Variants in CNTNAP2 observed in about 807,000 individuals in gnomAD.
The protein encoded by CNTNAP2 is contactin-associated protein-like 2.
Under a neutral mutation model 155.2 loss-of-function variants are expected in CNTNAP2, and 98 were observed. The ratio of observed to expected loss-of-function variants is 0.63; its 90% CI spans 0.54 to 0.75. CNTNAP2 has a LOEUF of 0.75. Among genes scored for constraint, CNTNAP2 ranks in the 30% least tolerant of loss-of-function variants. CNTNAP2 has a pLI of 0.00. For synonymous variants in CNTNAP2, 651 were observed against 631.2 expected (o/e 1.03, Z -0.47); for missense variants, 1,727 against 1,688.1 (o/e 1.02, Z -0.40).
intron 15 of CNTNAP2, among the ~76,000 whole-genome samples, chr7:148,015,244 C>G (rs1326951270): frequency 1.3e-5 from 2 of 152,160 alleles, no homozygotes; most frequent in African/African-American, 4.8e-5. Flanking sequence ...CAGCCTACTT[C>G]TTTGCTGCTA....
At chr7:147,091,001 G>A (rs1800392463) in intron 4 of CNTNAP2, among the ~76,000 whole-genome samples, 1 of 151,954 alleles carries the variant, frequency 6.6e-6, no homozygotes. Flanking sequence ...TTAAGCTTGG[G>A]CAAGTCAATC....
intron 9 of CNTNAP2, among the ~76,000 whole-genome samples, chr7:147,350,933 C>T (rs35037005): frequency 0.23 from 34,443 of 151,468 alleles, 4,302 homozygotes; most frequent in Non-Finnish European, 0.28. Flanking sequence ...GAAAACCCTC[C>T]ACAAATAACA....
In CNTNAP2 at chr7:147,888,663, C is replaced by T. The variant is rs139549940; in HGVS notation, c.2099-14902C>T. ...CTAGACAGAAATTACAGATTATTTA[C>T]AAAAGAATTGAAATTAAACTGACCA... On this transcript the variant is annotated intron_variant, in intron 13 of 23. Coordinates refer to ENST00000361727, the MANE Select transcript of CNTNAP2 (RefSeq NM_014141.6). Among the ~76,000 whole-genome samples the T allele has an allele frequency of 2.2e-4, 33 of 151,314 alleles. 1 individual carries two copies. Among genetic ancestry groups the T allele is most frequent in the Non-Finnish European group, 4.1e-4 (28 of 67,732 alleles).
intron 1 of CNTNAP2, among the ~76,000 whole-genome samples, chr7:146,157,517 A>T (rs1345182113): frequency 6.6e-6 from 1 of 152,126 alleles, no homozygotes; most frequent in Non-Finnish European, 1.5e-5. Flanking sequence ...GTACCTGGAA[A>T]ACTGGGACAC....
chr7:147,837,512 A>T (rs1418485053), intron 13 of CNTNAP2, among the ~76,000 whole-genome samples: 1 of 152,084 alleles, frequency 6.6e-6, no homozygotes, highest in Non-Finnish European at 1.5e-5. Context: ...TTCAAAACCA[A>T]TTATGCCTTC....
chr7:148,351,140 C>T (rs1798417608), intron 21 of CNTNAP2, among the ~76,000 whole-genome samples: 1 of 152,068 alleles, frequency 6.6e-6, no homozygotes, highest in Admixed American at 6.6e-5. Flanking sequence ...TCAGGTAAGG[C>T]CTGATAAGGC....
At chr7:146,753,647 G>T (rs1801943732) in intron 1 of CNTNAP2, among the ~76,000 whole-genome samples, 1 of 151,988 alleles carries the variant, frequency 6.6e-6, no homozygotes. Context: ...AGTTATATAA[G>T]TAAAAATAGA....
chr7:146,422,192 CT>C (rs1796022275), intron 1 of CNTNAP2, among the ~76,000 whole-genome samples: 1 of 151,128 alleles, frequency 6.6e-6, no homozygotes, highest in African/African-American at 2.4e-5. Context: ...CACCTGTCAC[CT>C]GAGTAGTGTA....
chr7:146,286,526 T>C (rs802526), intron 1 of CNTNAP2, among the ~76,000 whole-genome samples: 22,605 of 152,092 alleles, frequency 0.15, 5,161 homozygotes, highest in African/African-American at 0.49. Context: ...TTGCTTTTCT[T>C]AACACTTGCC....
intron 3 of CNTNAP2, among the ~76,000 whole-genome samples, chr7:147,030,306 G>A (rs1357907031): frequency 6.6e-6 from 1 of 152,118 alleles, no homozygotes; most frequent in Non-Finnish European, 1.5e-5. Context: ...TTTTATGTGA[G>A]GATTTGGGAA....
chr7:147,699,913 T>G (rs1796210947), intron 13 of CNTNAP2, among the ~76,000 whole-genome samples: 2 of 152,212 alleles, frequency 1.3e-5, no homozygotes, highest in African/African-American at 4.8e-5. Context: ...CTGAATATTT[T>G]ATATAAATGG....
chr7:147,695,982 T>C (rs1796155081), intron 13 of CNTNAP2, among the ~76,000 whole-genome samples: 1 of 152,222 alleles, frequency 6.6e-6, no homozygotes, highest in South Asian at 2.1e-4. Context: ...TGTCTGAAAT[T>C]AATACAGCTA....
intron 13 of CNTNAP2, among the ~76,000 whole-genome samples, chr7:147,900,763 C>T (rs1392729066): frequency 6.6e-5 from 10 of 152,208 alleles, no homozygotes; most frequent in Middle Eastern, 3.4e-3. Context: ...ACTAGAGGCG[C>T]CTGCCACTGT....
intron 15 of CNTNAP2, among the ~76,000 whole-genome samples, chr7:148,021,993 G>A (rs972297976): frequency 1.3e-5 from 2 of 152,158 alleles, no homozygotes; most frequent in Non-Finnish European, 2.9e-5. Flanking sequence ...ACAGAAGGCT[G>A]TGGCCACTCG....
intron 13 of CNTNAP2, among the ~76,000 whole-genome samples, chr7:147,748,770 G>T (rs2116499361): frequency 6.6e-6 from 1 of 152,290 alleles, no homozygotes; most frequent in South Asian, 2.1e-4. Flanking sequence ...GGACTAAATA[G>T]TGTGTCTACA....
At chr7:147,936,880 C>T (rs1800619216) in intron 14 of CNTNAP2, among the ~76,000 whole-genome samples, 1 of 152,138 alleles carries the variant, frequency 6.6e-6, no homozygotes, top group East Asian at 1.9e-4. Context: ...TTCTGTGCTC[C>T]CTTGATACAA....
chr7:146,383,739 C>G (rs111494047), intron 1 of CNTNAP2, among the ~76,000 whole-genome samples: 4,639 of 152,022 alleles, frequency 0.031, 221 homozygotes, highest in African/African-American at 0.11. Context: ...AAATTCTGAC[C>G]ATAGACATTT....
intron 4 of CNTNAP2, among the ~76,000 whole-genome samples, chr7:147,046,543 C>T (rs560119235): frequency 2.0e-5 from 3 of 152,036 alleles, no homozygotes; most frequent in Non-Finnish European, 2.9e-5. Flanking sequence ...TAGATGTTGG[C>T]TATTTATACA....
chr7:147,605,155 C>T (rs942862360), intron 12 of CNTNAP2, among the ~76,000 whole-genome samples: 1 of 152,094 alleles, frequency 6.6e-6, no homozygotes, highest in African/African-American at 2.4e-5. Context: ...TGCCTCTAGA[C>T]TGTATTAGAT....
Sources: gnomAD v4.1 joint callset for allele counts (sites outside exome capture counted in the v4.1 genomes callset) on GRCh38, gnomAD v4.1.1 for gene constraint, MANE v1.5 for transcripts, NCBI Gene and HGNC (gene_info 2026-07-23, HGNC 2026-07-21) for gene names.